Variants in HRG observed in about 807,000 individuals in gnomAD.
The protein encoded by HRG is histidine-rich glycoprotein.
HRG carries 26 observed loss-of-function variants against 29.5 expected under a neutral mutation model. The observed-to-expected ratio is 0.88, with a 90% CI of 0.65 to 1.22. The LOEUF is 1.22. Among genes scored for constraint, HRG ranks in the 50% most tolerant of loss-of-function variants. The pLI is 0.00. For missense variants in HRG, 671 were observed against 654.5 expected, an observed-to-expected ratio of 1.03 and a Z score of -0.28; for synonymous variants, 243 against 240.4, an observed-to-expected ratio of 1.01 and a Z score of -0.10.
intron 5 of HRG, 143 bp downstream of exon 5, chr3:186,673,010 G>A (rs1718855093): frequency 2.8e-6 from 2 of 708,674 alleles, no homozygotes; most frequent in Non-Finnish European, 5.1e-6. Context: ...AGGAGAAGGA[G>A]GAAGAAATGT....
rs1213998655 is a variant in HRG at position 186,667,685 on chromosome 3, C to T, written c.184-1250C>T. On this transcript the variant is annotated intron_variant, in intron 1 of 6. Transcript: ENST00000232003. ...AAATGTGTTCCTGGTGAATTCCTGGCACCACCACTTCTAGGTGGGTATGGA... is the reference window on the plus strand; with the variant it reads ...AAATGTGTTCCTGGTGAATTCCTGGTACCACCACTTCTAGGTGGGTATGGA... Among the ~76,000 whole-genome samples the T allele has an allele frequency of 5.3e-5, 8 of 151,832 alleles. No individual in the cohort carries two copies. In the East Asian group the frequency reaches 1.3e-3, roughly 26 times the overall value.
intron 5 of HRG, 166 bp downstream of exon 5, chr3:186,673,033 A>G: frequency 2.9e-6 from 2 of 689,716 alleles, no homozygotes; most frequent in East Asian, 2.7e-5. Flanking sequence ...GTGAAATACA[A>G]AGTATCATCT....
intron 5 of HRG, chr3:186,673,144 C>A (rs1265556168): frequency 1.8e-5 from 9 of 492,194 alleles, no homozygotes; most frequent in Non-Finnish European, 3.3e-5. Context: ...GCTCTTGTTG[C>A]CCAGGTTGGA....
intron 1 of HRG, 64 bp downstream of exon 1, chr3:186,666,278 C>G: frequency 1.3e-6 from 2 of 1,526,592 alleles, no homozygotes; most frequent in South Asian, 2.2e-5. Flanking sequence ...TGTGACTCTA[C>G]CCCCTAGGCT....
intron 4 of HRG, among the ~76,000 whole-genome samples, chr3:186,672,125 A>T (rs1265399712): frequency 6.6e-6 from 1 of 152,198 alleles, no homozygotes; most frequent in African/African-American, 2.4e-5. Context: ...TATGATGGAA[A>T]ACTGAAGTTC....
chr3:186,669,315 T>C (rs1025154855), intron 2 of HRG, among the ~76,000 whole-genome samples: 3 of 152,182 alleles, frequency 2.0e-5, no homozygotes, highest in South Asian at 2.1e-4. Context: ...ATAACATCCC[T>C]CCACTTTGGT....
intron 5 of HRG, chr3:186,674,806 G>T (rs1203391241): frequency 1.2e-5 from 5 of 405,598 alleles, no homozygotes; most frequent in Admixed American, 3.5e-5. Context: ...AGGCAGCAAT[G>T]ATGTGGTTTT....
intron 1 of HRG, among the ~76,000 whole-genome samples, chr3:186,667,485 A>G (rs1052674799): frequency 6.6e-6 from 1 of 152,080 alleles, no homozygotes. Flanking sequence ...AGGACTCAGC[A>G]CGCCAAAAGT....
In HRG at chr3:186,677,185, G is replaced by T. The variant is rs140336956; in HGVS notation, c.880G>T (p.Glu294Ter). 4.2e-4 allele frequency: 670 copies of T among 1,613,828 alleles called. 2 individuals are homozygous for T. In the African/African-American group the frequency reaches 5.9e-3, roughly 14 times the overall value. Residue 294 changes from glutamate (E) to a stop codon, truncating the protein, a stop_gained, in exon 7 of 7, where the codon GAA becomes TAA. Coordinates refer to ENST00000232003, the MANE Select transcript of HRG (RefSeq NM_000412.5). LOFTEE classifies it low-confidence loss of function (END_TRUNC). ...TCATCATCATCCCCACAAGCCACAC[G>T]AACATGGACCCCCACCTCCTCCAGA... ...RDHHHPHKPHEHGPPPPPDER... is the reference protein window; with the variant it reads ...RDHHHPHKPH
Position 186,668,947 on chromosome 3 carries a change from G to A in HRG, c.196G>A (p.Val66Ile). 7.5e-6 allele frequency: 12 copies of A among 1,598,154 alleles called. No individual in the cohort carries two copies. The highest frequency in any genetic ancestry group is 1.0e-5 in the Non-Finnish European group (12 of 1,165,416). Reference sequence around the variant, plus strand: ...TGGCATTCCTCAGGAAAATACAACTGTATATTACTTAGTCTTAGATGTGCA... The same window carrying A: ...TGGCATTCCTCAGGAAAATACAACTATATATTACTTAGTCTTAGATGTGCA... ...AHLDRVENTT[V>I]YYLVLDVQES... Residue 66 changes from valine to isoleucine, a missense_variant, in exon 2 of 7, where the codon GTA (valine) becomes ATA (isoleucine). Val to Ile is a conservative substitution (Grantham distance 29). Transcript: ENST00000232003.
At chr3:186,668,835 A>G (rs1718691358) in intron 1 of HRG, 100 bp from the exon 2 acceptor site, 5 of 724,204 alleles carry the variant, frequency 6.9e-6, no homozygotes, top group Non-Finnish European at 1.2e-5. Flanking sequence ...TGAGAGGAAC[A>G]GGAATTCTGT....
In HRG at chr3:186,677,606, C is replaced by G. The variant is rs376552502; in HGVS notation, c.1301C>G (p.Pro434Arg). ...QGHCCHGHGP[P>R]PGHLRRRGPG... ...CACTGTTGCCATGGCCACGGCCCACCACCTGGGCACTTAAGAAGGCGAGGC... is the reference window on the plus strand; with the variant it reads ...CACTGTTGCCATGGCCACGGCCCACGACCTGGGCACTTAAGAAGGCGAGGC... The change falls in exon 7 of 7, where the codon CCA (proline) becomes CGA (arginine). Residue 434 changes from proline to arginine, a missense_variant. Pro to Arg is a moderately radical substitution (Grantham distance 103, BLOSUM62 -2). Transcript: ENST00000232003. The G allele has an allele frequency of 2.8e-5, 46 of 1,614,044 alleles. No individual in the cohort carries two copies. The Middle Eastern group carries it at 2.3e-3, about 81-fold the overall frequency.
At chr3:186,672,898 C>A (rs1314108550) in intron 5 of HRG, 31 bp downstream of exon 5, 3 of 1,377,050 alleles carry the variant, frequency 2.2e-6, no homozygotes, top group Non-Finnish European at 3.1e-6. Flanking sequence ...TGATCGTTGA[C>A]TAGAGTCACA....
intron 6 of HRG, among the ~76,000 whole-genome samples, chr3:186,675,651 T>A (rs1333658243): frequency 6.6e-6 from 1 of 152,148 alleles, no homozygotes; most frequent in African/African-American, 2.4e-5. Context: ...CAGCCTCAAA[T>A]TTATTATGTA....
intron 6 of HRG, 87 bp downstream of exon 6, chr3:186,675,277 A>G: frequency 2.9e-6 from 2 of 692,916 alleles, no homozygotes; most frequent in Non-Finnish European, 5.1e-6. Flanking sequence ...CTAAAGCTCT[A>G]TGAGTGGGTG....
chr3:186,672,710 GA>G (rs1383211257), intron 4 of HRG, 76 bp from the exon 5 acceptor site: 5 of 890,276 alleles, frequency 5.6e-6, no homozygotes, highest in Non-Finnish European at 9.4e-6. Context: ...AAAAAATATT[GA>G]ATGGTAGTTA....
At chr3:186,672,512 A>T (rs543972958) in intron 4 of HRG, among the ~76,000 whole-genome samples, 1 of 152,362 alleles carries the variant, frequency 6.6e-6, no homozygotes, top group South Asian at 2.1e-4. Context: ...AATGAGAATG[A>T]AAACTCTGGG....
chr3:186,666,783 C>A, intron 1 of HRG: 1 of 160,712 alleles, frequency 6.2e-6, no homozygotes, highest in Non-Finnish European at 1.4e-5. Context: ...CATGGTGGTG[C>A]ACGCCTGTAA....
chr3:186,671,800 A>G lies in HRG; in HGVS notation c.558+11A>G, dbSNP rs372950323. On this transcript the variant is annotated intron_variant, in intron 4 of 6. Transcript: ENST00000232003. ...AGAGTTGCAAGAGTGGTGAGTCTCCACTAAGGTTCGGTTGGAGTCTGAAGG... is the reference window on the plus strand; with the variant it reads ...AGAGTTGCAAGAGTGGTGAGTCTCCGCTAAGGTTCGGTTGGAGTCTGAAGG... 1.3e-5 allele frequency: 21 copies of G among 1,613,146 alleles called. No individual in the cohort carries two copies. The African/African-American group carries it at 1.3e-4, about 10-fold the overall frequency.
Sources: gnomAD v4.1 joint callset for allele counts (sites outside exome capture counted in the v4.1 genomes callset) on GRCh38, gnomAD v4.1.1 for gene constraint, MANE v1.5 for transcripts, NCBI Gene and HGNC (gene_info 2026-07-23, HGNC 2026-07-21) for gene names.